TMEFF1: variants seen among roughly 807,000 people sequenced by gnomAD.
TMEFF1 encodes the protein transmembrane protein with EGF like and two follistatin like domains 1.
In TMEFF1, 20 loss-of-function variants were observed where a neutral mutation model predicts 47.5. The ratio of observed to expected loss-of-function variants is 0.42; its 90% confidence interval spans 0.30 to 0.61. TMEFF1 has a LOEUF of 0.61. Ranked by LOEUF, TMEFF1 falls within the 20% of genes least tolerant of loss-of-function variation. The probability of loss-of-function intolerance (pLI) is 0.19; values close to 1 mark genes in which losing one functional copy is unlikely to be tolerated. For missense variants in TMEFF1, 411 were observed against 471.1 expected, an observed-to-expected ratio of 0.87 and a Z score of 1.18; for synonymous variants, 162 against 166.3, an observed-to-expected ratio of 0.97 and a Z score of 0.20.
At chr9:100,494,762 G>A (rs1169759820) in intron 1 of TMEFF1, among the ~76,000 whole-genome samples, 3 of 152,200 alleles carry the variant, frequency 2.0e-5, no homozygotes, top group African/African-American at 7.2e-5. Flanking sequence ...TAGATCCAAG[G>A]TAGGCAATTA....
chr9:100,506,766 C>CAAAAAAA (rs58345253), intron 2 of TMEFF1, among the ~76,000 whole-genome samples: 6 of 43,410 alleles, frequency 1.4e-4, no homozygotes, highest in East Asian at 5.9e-4. Context: ...GACTCCATCT[C>CAAAAAAA]AAAAAAAAAA....
chr9:100,474,129 C>CTG (rs374866399), intron 1 of TMEFF1, among the ~76,000 whole-genome samples: 3 of 123,836 alleles, frequency 2.4e-5, no homozygotes, highest in Non-Finnish European at 3.3e-5. Context: ...AGGCAGGGAT[C>CTG]TGTGTGTGTG....
At chr9:100,561,189 A>G (rs1839006609) in intron 7 of TMEFF1, among the ~76,000 whole-genome samples, 1 of 152,150 alleles carries the variant, frequency 6.6e-6, no homozygotes, top group African/African-American at 2.4e-5. Context: ...TTTGAATCTA[A>G]ACAGTTTACC....
chr9:100,537,846 T>C (rs1838549894), intron 5 of TMEFF1, among the ~76,000 whole-genome samples: 1 of 152,218 alleles, frequency 6.6e-6, no homozygotes, highest in Admixed American at 6.5e-5. Flanking sequence ...CTTTGGTTCT[T>C]TCACCTCTTG....
chr9:100,518,304 A>G (rs1838107131), intron 5 of TMEFF1: 1 of 289,502 alleles, frequency 3.5e-6, no homozygotes, highest in South Asian at 1.3e-4. Flanking sequence ...TTATGTAAAC[A>G]CCTCCTCATA....
In TMEFF1 at chr9:100,473,748, C is replaced by T. The variant is rs577111007; in HGVS notation, c.196+8C>T. On this transcript the variant is annotated splice_region_variant and intron_variant, in intron 1 of 9. Transcript: ENST00000374879. This position sits in a 1 kb window ranked among gnomAD's most constrained non-coding sequence, Gnocchi z 5.4. The stretch of plus-strand genomic sequence containing the variant: ...AGAGCATCAACTGCTCAGGTAGGAC[C>T]GGTCGGAGCCGGCCCTAGGTCTTCC... 17 of 1,502,516 alleles carry T rather than the reference C, an allele frequency of 1.1e-5. No homozygotes were observed. Among genetic ancestry groups the T allele is most frequent in the Non-Finnish European group, 6.2e-6 (7 of 1,121,038 alleles). The allele number at this position is 1,502,516 out of a possible 1,614,324, so 93.1% of individuals were successfully genotyped here. A position where few individuals can be genotyped will look rare whatever the true frequency, so the allele number is the denominator to read the frequency against.
intron 1 of TMEFF1, among the ~76,000 whole-genome samples, chr9:100,483,754 A>G (rs756635592): frequency 4.0e-5 from 6 of 151,682 alleles, no homozygotes; most frequent in East Asian, 1.9e-4. Flanking sequence ...CTCTTTGTGT[A>G]TCTACTCTTT....
At chr9:100,529,585 C>G (rs1391673037) in intron 5 of TMEFF1, among the ~76,000 whole-genome samples, 9 of 151,952 alleles carry the variant, frequency 5.9e-5, no homozygotes, top group Non-Finnish European at 1.0e-4. Flanking sequence ...CACCCAGATT[C>G]ATAAAGCAAG....
intron 8 of TMEFF1, among the ~76,000 whole-genome samples, chr9:100,571,789 G>A (rs1839244151): frequency 6.6e-6 from 1 of 152,092 alleles, no homozygotes; most frequent in South Asian, 2.1e-4. Flanking sequence ...CTCTGAGCTT[G>A]TTTTTCCTGC....
In TMEFF1 at chr9:100,473,280, G is replaced by A. The variant is rs1185221503; in HGVS notation, c.-265G>A. ...GCCCGCCCGCTCCCCTCGCCGCGGTGTCCCCCACGCCGGCTCGCACCCTCG... is the reference window on the plus strand; with the variant it reads ...GCCCGCCCGCTCCCCTCGCCGCGGTATCCCCCACGCCGGCTCGCACCCTCG... On this transcript the variant is annotated 5_prime_UTR_variant, in exon 1 of 10. Transcript: ENST00000374879. This position sits in a 1 kb window ranked among gnomAD's most constrained non-coding sequence, Gnocchi z 5.4. The A allele has an allele frequency of 1.3e-5, 2 of 151,006 alleles. No individual in the cohort carries two copies. The highest frequency in any genetic ancestry group is 4.9e-5 in the African/African-American group (2 of 40,992). 9.4% of individuals were successfully genotyped at this position (151,006 alleles called of 1,614,324 possible).
intron 7 of TMEFF1, among the ~76,000 whole-genome samples, chr9:100,551,763 G>A (rs1047288101): frequency 6.6e-6 from 1 of 152,192 alleles, no homozygotes; most frequent in Non-Finnish European, 1.5e-5. Flanking sequence ...TAAAATATAT[G>A]CATCTTTAAA....
chr9:100,515,510 G>A (rs1319817387), intron 4 of TMEFF1, among the ~76,000 whole-genome samples: 2 of 152,064 alleles, frequency 1.3e-5, no homozygotes, highest in South Asian at 2.1e-4. Flanking sequence ...CCCTGAGGCC[G>A]GGTGTGGTGG....
intron 7 of TMEFF1, among the ~76,000 whole-genome samples, chr9:100,559,030 C>T (rs142921237): frequency 6.6e-6 from 1 of 152,254 alleles, no homozygotes; most frequent in East Asian, 1.9e-4. Flanking sequence ...CCTAGGCAGT[C>T]TGGCCCTAGA....
At chr9:100,477,652 G>A (rs2118226690) in intron 1 of TMEFF1, among the ~76,000 whole-genome samples, 1 of 127,908 alleles carries the variant, frequency 7.8e-6, no homozygotes, top group African/African-American at 3.1e-5. Flanking sequence ...TTGAGATGGA[G>A]TCTTGCTCTG....
intron 5 of TMEFF1, among the ~76,000 whole-genome samples, chr9:100,525,001 AT>A (rs1838229932): frequency 6.6e-6 from 1 of 152,164 alleles, no homozygotes; most frequent in Admixed American, 6.5e-5. Flanking sequence ...TGGGCAGTCT[AT>A]CTTCTGACTG....
intron 8 of TMEFF1, among the ~76,000 whole-genome samples, chr9:100,565,318 A>G (rs1402108948): frequency 6.6e-6 from 1 of 152,014 alleles, no homozygotes; most frequent in Admixed American, 6.6e-5. Context: ...TGTAAATTCC[A>G]TGGCCAGTCA....
At chr9:100,552,057 A>G (rs1587852071) in intron 7 of TMEFF1, among the ~76,000 whole-genome samples, 3 of 152,278 alleles carry the variant, frequency 2.0e-5, no homozygotes, top group Admixed American at 2.0e-4. Flanking sequence ...AAGGTAAGGA[A>G]TCCTTTGGGC....
At chr9:100,522,158 A>G (rs912234090) in intron 5 of TMEFF1, among the ~76,000 whole-genome samples, 9 of 152,160 alleles carry the variant, frequency 5.9e-5, no homozygotes, top group Non-Finnish European at 1.3e-4. Context: ...TGTACTTTTT[A>G]AAACAAGAAC....
intron 7 of TMEFF1, among the ~76,000 whole-genome samples, chr9:100,554,000 G>A (rs952348223): frequency 1.3e-5 from 2 of 152,088 alleles, no homozygotes; most frequent in Non-Finnish European, 2.9e-5. Context: ...TTGATTCAAA[G>A]ATATGCTCAT....
Sources: gnomAD v4.1 joint callset for allele counts (sites outside exome capture counted in the v4.1 genomes callset) on GRCh38, gnomAD v4.1.1 for gene constraint, Gnocchi (gnomAD v3.1) non-coding constraint, MANE v1.5 for transcripts, NCBI Gene and HGNC (gene_info 2026-07-23, HGNC 2026-07-21) for gene names.